Variants in FTCD observed in about 807,000 individuals in gnomAD.
The protein encoded by FTCD is formimidoyltransferase-cyclodeaminase.
Under a neutral mutation model 62.9 loss-of-function variants are expected in FTCD, and 76 were observed. That is an observed-to-expected ratio of 1.21 (90% CI 1.00 to 1.46). FTCD has a LOEUF of 1.46. Among genes scored for constraint, FTCD ranks in the 40% most tolerant of loss-of-function variants. The probability of loss-of-function intolerance (pLI) is 0.00; values close to 1 mark genes in which losing one functional copy is unlikely to be tolerated. For missense variants in FTCD, 845 were observed against 751.3 expected (o/e 1.12, Z -1.46); for synonymous variants, 397 against 336.9 (o/e 1.18, Z -1.95).
intron 10 of FTCD, among the ~76,000 whole-genome samples, chr21:46,139,942 G>A (rs1193334828): frequency 2.0e-5 from 3 of 152,214 alleles, no homozygotes; most frequent in African/African-American, 7.2e-5. Context: ...GTGTGCTTTA[G>A]GTGGCCTCAT....
rs541835738 is a variant in FTCD, at chr21:46,138,596, A to G, written c.1355T>C (p.Leu452Pro). The stretch of plus-strand genomic sequence containing the variant: ...CGAGGCCACCGTCTCCGCCAGCGTC[A>G]GCGGCACAGAGACTGCCCGCCTCAG... ...EGLRRAVSVP[L>P]TLAETVASLW... is the part of the protein sequence containing the mutation. The change falls in exon 12 of 14, where the codon CTG (leucine) becomes CCG (proline). Residue 452 changes from leucine to proline, a missense_variant. Transcript: ENST00000397746. The G allele has an allele frequency of 3.1e-6, 5 of 1,590,976 alleles. No homozygotes were observed. The African/African-American group carries it at 6.7e-5, about 21-fold the overall frequency.
chr21:46,150,630 T>A (rs575224400), intron 5 of FTCD, 105 bp from the exon 6 acceptor site: 1 of 1,171,686 alleles, frequency 8.5e-7, no homozygotes, highest in African/African-American at 1.5e-5. Context: ...GGGAGGAGCC[T>A]GTGCCTGGGT....
chr21:46,141,252 A>G (rs1027811320), intron 10 of FTCD, among the ~76,000 whole-genome samples: 6 of 151,546 alleles, frequency 4.0e-5, no homozygotes, highest in Admixed American at 2.6e-4. Flanking sequence ...ACCCCCACTT[A>G]AGCCTCCTGA....
Position 46,150,390 on chromosome 21 carries a change from G to A in FTCD, c.772C>T (p.Gln258Ter). Residue 258 changes from glutamine to a stop codon, truncating the protein, a stop_gained and splice_region_variant, in exon 6 of 14, where the codon CAG (glutamine) becomes TAG (stop). Transcript: ENST00000397746. LOFTEE classifies it high-confidence loss of function. ...GCAGCGGCTGCTCCCGGGCTCACCT[G>A]TGCTTCTCGGCAGGTCTCCTCGTAG... ...TVYEETCREA[Q>*]ELSLPVVGSQ... The A allele has an allele frequency of 6.2e-7, 1 of 1,612,964 alleles. No individual in the cohort carries two copies. The highest frequency in any genetic ancestry group is 8.5e-7 in the Non-Finnish European group (1 of 1,179,982).
intron 12 of FTCD, among the ~76,000 whole-genome samples, chr21:46,138,053 T>C (rs564903215): frequency 6.6e-6 from 1 of 152,304 alleles, no homozygotes; most frequent in Admixed American, 6.5e-5. Context: ...CCACCGTGCC[T>C]GGCTCATATG....
chr21:46,150,120 A>G lies in FTCD; in HGVS notation c.905T>C (p.Leu302Pro), dbSNP rs2123554648. Residue 302 changes from leucine to proline, a missense_variant and splice_region_variant, in exon 7 of 14, where the codon CTG (leucine) becomes CCG (proline). Physicochemically the swap from Leu to Pro is moderately conservative, Grantham distance 98. Coordinates refer to ENST00000397746, the MANE Select transcript of FTCD (RefSeq NM_206965.2). ...FILEEEQRIRLVVSRLGLDSL... is the reference protein window; with the variant it reads ...FILEEEQRIRPVVSRLGLDSL... The stretch of plus-strand genomic sequence containing the variant: ...CCCTTCCTCGGCAGCCCGGCCCACC[A>G]GCCTGATCCGCTGCTCCTCCTCCAG... 7.1e-7 allele frequency: 1 copy of G among 1,409,610 alleles called. No homozygotes were observed. The highest frequency in any genetic ancestry group is 1.5e-5 in the African/African-American group (1 of 67,502). 87.3% of individuals were successfully genotyped at this position (1,409,610 alleles called of 1,614,324 possible).
rs373031700 is a variant in FTCD at position 46,151,875 on chromosome 21, G to T, written c.456+17C>A. ...GTCCACCTCCTTCCCAGGCCCGACC[G>T]CCCGGGGTGGGGGCACCTTCTTAGG... On this transcript the variant is annotated intron_variant, in intron 4 of 13. Coordinates refer to ENST00000397746, the MANE Select transcript of FTCD (RefSeq NM_206965.2). 6.4e-7 allele frequency: 1 copy of T among 1,553,822 alleles called. No homozygotes were observed. Among genetic ancestry groups the T allele is most frequent in the East Asian group, 2.4e-5 (1 of 41,620 alleles).
Position 46,152,546 on chromosome 21 carries a change from G to A in FTCD, c.367+361C>T, listed in dbSNP as rs146723990. On this transcript the variant is annotated intron_variant, in intron 3 of 13. Coordinates refer to ENST00000397746, the MANE Select transcript of FTCD (RefSeq NM_206965.2). ...TTTCCAGGAGCGCTGGGTTGGTGCA[G>A]CCTAGGGGTGGGTATGCACTTTGTC... 765 of 225,326 alleles carry A rather than the reference G, an allele frequency of 3.4e-3. 5 individuals are homozygous for A. Among genetic ancestry groups the A allele is most frequent in the Non-Finnish European group, 5.4e-3 (615 of 114,218 alleles). 14.0% of individuals were successfully genotyped at this position (225,326 alleles called of 1,614,324 possible). A position where few individuals can be genotyped will look rare whatever the true frequency, so the allele number is the denominator to read the frequency against.
At position 46,136,817 on chromosome 21, in the gene FTCD, G is replaced by A. The variant is rs2078876303; in HGVS notation, c.*170C>T. 1.3e-6 allele frequency: 2 copies of A among 1,547,014 alleles called. No individual in the cohort carries two copies. The highest frequency in any genetic ancestry group is 1.7e-6 in the Non-Finnish European group (2 of 1,145,170). Reference sequence around the variant, plus strand: ...CTTTACTGGAGGTCACATGGGACTAGGGGCCTTCTGTCCCTGCCAGCGCCT... The same window carrying A: ...CTTTACTGGAGGTCACATGGGACTAAGGGCCTTCTGTCCCTGCCAGCGCCT... On this transcript the variant is annotated 3_prime_UTR_variant, in exon 14 of 14. Coordinates refer to ENST00000397746, the MANE Select transcript of FTCD (RefSeq NM_206965.2).
At chr21:46,151,072 T>C (rs1039029496) in intron 5 of FTCD, among the ~76,000 whole-genome samples, 5 of 152,124 alleles carry the variant, frequency 3.3e-5, no homozygotes, top group Middle Eastern at 3.2e-3. Flanking sequence ...GGGGAACAGA[T>C]GGGCAGGTGG....
chr21:46,155,394 T>A (rs2123592778), intron 1 of FTCD, 76 bp downstream of exon 1: 1 of 1,239,774 alleles, frequency 8.1e-7, no homozygotes, highest in East Asian at 2.4e-5. Flanking sequence ...GCCCACCACC[T>A]CCTCCATGGC....
chr21:46,145,751 G>T (rs1408970741), intron 9 of FTCD, 67 bp downstream of exon 9: 11 of 246,248 alleles, frequency 4.5e-5, no homozygotes, highest in Non-Finnish European at 6.4e-5. Flanking sequence ...CCCCCCAACA[G>T]CGCCCTTCCC....
chr21:46,149,469 G>A (rs536994913), intron 7 of FTCD, among the ~76,000 whole-genome samples: 4 of 152,216 alleles, frequency 2.6e-5, no homozygotes, highest in South Asian at 4.1e-4. Flanking sequence ...CAGACAAAAC[G>A]TCCCCAAAAA....
downstream of FTCD, chr21:46,136,732 G>T: frequency 6.8e-7 from 1 of 1,480,376 alleles, no homozygotes. Context: ...AAGACCCGCA[G>T]CTCAGCTCTC....
intron 2 of FTCD, among the ~76,000 whole-genome samples, chr21:46,153,474 C>A (rs563623173): frequency 6.6e-6 from 1 of 152,172 alleles, no homozygotes; most frequent in African/African-American, 2.4e-5. Context: ...CCCCTGAAGC[C>A]GAGAATCCAC....
chr21:46,151,762 G>T (rs566556847), intron 4 of FTCD, 25 bp from the exon 5 acceptor site: 1 of 1,611,534 alleles, frequency 6.2e-7, no homozygotes, highest in Non-Finnish European at 8.5e-7. Flanking sequence ...GCTCTGGGGT[G>T]AGACATCCCC....
intron 10 of FTCD, chr21:46,142,125 A>T (rs2079023982): frequency 6.6e-6 from 1 of 152,262 alleles, no homozygotes; most frequent in African/African-American, 2.4e-5. Context: ...TTTTAAAATG[A>T]CTGGAAACGG....
chr21:46,137,336 T>C lies in FTCD; in HGVS notation c.1444-2A>G, dbSNP rs1449122590. ...CATCTCCAGGGCTTTGGCCGCCACC[T>C]GCAAGGACCCCAGGGAGCCCCTACA... On this transcript the variant is annotated splice_acceptor_variant, in intron 12 of 13. Transcript: ENST00000397746. LOFTEE classifies it high-confidence loss of function. 5 of 1,610,984 alleles carry C rather than the reference T, an allele frequency of 3.1e-6. No individual in the cohort carries two copies. The Middle Eastern group carries it at 5.0e-4, about 160-fold the overall frequency.
At chr21:46,140,939 G>A (rs1040418889) in intron 10 of FTCD, among the ~76,000 whole-genome samples, 22 of 152,224 alleles carry the variant, frequency 1.4e-4, no homozygotes, top group Admixed American at 1.4e-3. Flanking sequence ...TGGCTCACAG[G>A]GAGCGTAAAC....
Sources: gnomAD v4.1 joint callset for allele counts (sites outside exome capture counted in the v4.1 genomes callset) on GRCh38, gnomAD v4.1.1 for gene constraint, MANE v1.5 for transcripts, NCBI Gene and HGNC (gene_info 2026-07-23, HGNC 2026-07-21) for gene names.